The following MAP7 variants were observed in gnomAD, a reference collection of about 807,000 sequenced individuals.
MAP7 encodes ensconsin.
In MAP7, 52 loss-of-function variants were observed where a neutral mutation model predicts 94.8. That is an observed-to-expected ratio of 0.55 (90% CI 0.44 to 0.69). MAP7 has a LOEUF of 0.69. Among genes scored for constraint, MAP7 ranks in the 30% least tolerant of loss-of-function variants. The probability of loss-of-function intolerance (pLI) is 0.00; values close to 1 mark genes in which losing one functional copy is unlikely to be tolerated. For missense variants in MAP7, 940 were observed against 964.6 expected (o/e 0.97, Z 0.34); for synonymous variants, 350 against 357.0 (o/e 0.98, Z 0.22).
chr6:136,346,956 A>C (rs1787876060), intron 16 of MAP7, among the ~76,000 whole-genome samples: 1 of 152,238 alleles, frequency 6.6e-6, no homozygotes, highest in Non-Finnish European at 1.5e-5. Context: ...ATTTTTGAAG[A>C]CCGATCTTCT....
In MAP7 at chr6:136,431,598, A is replaced by T. The variant is rs138313932; in HGVS notation, c.68-9799T>A. Among the ~76,000 whole-genome samples the T allele has an allele frequency of 5.8e-3, 873 of 151,754 alleles. 16 individuals are homozygous for T. Among genetic ancestry groups the T allele is most frequent in the African/African-American group, 0.02 (813 of 41,340 alleles). On this transcript the variant is annotated intron_variant, in intron 1 of 17. Coordinates refer to ENST00000354570, the MANE Select transcript of MAP7 (RefSeq NM_003980.6). ...AGTGGTGTGATCTTGATTCACTGTA[A>T]CCTCTGCCTCCTGGATTCAAGTGAT...
At chr6:136,346,504 G>C (rs1315130558) in intron 16 of MAP7, among the ~76,000 whole-genome samples, 3 of 152,212 alleles carry the variant, frequency 2.0e-5, no homozygotes, top group African/African-American at 7.2e-5. Context: ...TGAGGCTTCA[G>C]TGAGCTATGA....
chr6:136,541,260 A>G (rs1304976326), intron 1 of MAP7, among the ~76,000 whole-genome samples: 1 of 152,154 alleles, frequency 6.6e-6, no homozygotes, highest in African/African-American at 2.4e-5. Flanking sequence ...AGGCTTCATG[A>G]TGAGGGGTGG....
intron 3 of MAP7, among the ~76,000 whole-genome samples, chr6:136,393,978 A>AATTTTTTTTTTTTTTTTTTT: frequency 2.8e-5 from 1 of 36,204 alleles, no homozygotes; most frequent in African/African-American, 7.4e-5. Context: ...CAGCAAAGGT[A>AATTTTTTTTTTTTTTTTTTT]TTTTTTTTTT....
chr6:136,445,030 C>T (rs768742924), intron 1 of MAP7, among the ~76,000 whole-genome samples: 6 of 152,180 alleles, frequency 3.9e-5, no homozygotes, highest in Non-Finnish European at 8.8e-5. Flanking sequence ...TATAATGAAA[C>T]GAGTTCAACT....
Position 136,550,246 on chromosome 6 carries a change from G to C in MAP7, c.67+96C>G, listed in dbSNP as rs1452882087. The C allele has an allele frequency of 8.9e-7, 1 of 1,128,760 alleles. No homozygotes were observed. The allele number at this position is 1,128,760 out of a possible 1,614,324, so 69.9% of individuals were successfully genotyped here. A position where few individuals can be genotyped will look rare whatever the true frequency, so the allele number is the denominator to read the frequency against. ...GGCCGCGGCCGCGCGGGCGGGGAGG[G>C]GGCTGCCGGCGCCGGGTGATTTCGG... On this transcript the variant is annotated intron_variant, in intron 1 of 17. Coordinates refer to ENST00000354570, the MANE Select transcript of MAP7 (RefSeq NM_003980.6). The surrounding 1 kb of genome is among the most constrained non-coding windows in gnomAD (Gnocchi z 5.1).
At chr6:136,361,274 T>C (rs1792692201) in intron 11 of MAP7, 95 bp from the exon 12 acceptor site, 1 of 1,315,808 alleles carries the variant, frequency 7.6e-7, no homozygotes, top group African/African-American at 1.5e-5. Flanking sequence ...GCGGTTCCTT[T>C]AGGCGTCCAG....
rs1032145125 is a variant in MAP7, at chr6:136,539,892, T to C, written c.67+10450A>G. Among the ~76,000 whole-genome samples, 4 of 152,152 alleles carry C rather than the reference T, an allele frequency of 2.6e-5. No individual in the cohort carries two copies. In the East Asian group the frequency reaches 7.7e-4, roughly 29 times the overall value. ...TACTCGGTAGGCTGAGGTAGGAGAA[T>C]AGCTTGAGACCAAGAGGTCAAGGCT... On this transcript the variant is annotated intron_variant, in intron 1 of 17. Coordinates refer to ENST00000354570, the MANE Select transcript of MAP7 (RefSeq NM_003980.6).
chr6:136,513,615 A>G (rs1188091821), intron 1 of MAP7, among the ~76,000 whole-genome samples: 1 of 152,144 alleles, frequency 6.6e-6, no homozygotes, highest in Admixed American at 6.5e-5. Context: ...TAATGTTGAT[A>G]TTTTGAGTTT....
chr6:136,522,742 T>C (rs1463260418), intron 1 of MAP7, among the ~76,000 whole-genome samples: 1 of 152,030 alleles, frequency 6.6e-6, no homozygotes, highest in Non-Finnish European at 1.5e-5. Flanking sequence ...ATTTAGAAAA[T>C]AAGAGATGGT....
At chr6:136,346,339 G>A (rs1246687456) in intron 16 of MAP7, among the ~76,000 whole-genome samples, 1 of 152,142 alleles carries the variant, frequency 6.6e-6, no homozygotes, top group Non-Finnish European at 1.5e-5. Context: ...GAGATGGGAG[G>A]ACTGCTCAAG....
intron 1 of MAP7, among the ~76,000 whole-genome samples, chr6:136,443,596 G>A (rs563185165): frequency 5.1e-4 from 77 of 151,930 alleles, no homozygotes; most frequent in African/African-American, 1.8e-3. Context: ...GACTACAAGT[G>A]CACACCACCA....
intron 3 of MAP7, among the ~76,000 whole-genome samples, chr6:136,399,288 C>T (rs773123204): frequency 6.6e-6 from 1 of 152,142 alleles, no homozygotes; most frequent in Non-Finnish European, 1.5e-5. Flanking sequence ...ACTCCCATGA[C>T]TTGATTTTTT....
At chr6:136,351,697 GA>G (rs1390126698) in intron 16 of MAP7, among the ~76,000 whole-genome samples, 1 of 152,180 alleles carries the variant, frequency 6.6e-6, no homozygotes, top group African/African-American at 2.4e-5. Context: ...GTCTTTTAGA[GA>G]TAAGGTAAAT....
At chr6:136,483,129 CAAAAAAAAAAA>C (rs57320038) in intron 1 of MAP7, among the ~76,000 whole-genome samples, 49 of 83,154 alleles carry the variant, frequency 5.9e-4, no homozygotes, top group Non-Finnish European at 9.3e-4. Flanking sequence ...AAGTATCTTT[CAAAAAAAAAAA>C]AAAAAAAGAA....
chr6:136,354,589 G>C (rs1051381505), intron 16 of MAP7, among the ~76,000 whole-genome samples: 2 of 151,286 alleles, frequency 1.3e-5, no homozygotes, highest in African/African-American at 4.9e-5. Context: ...TGCTCATCTG[G>C]ACCTGCCTGT....
intron 1 of MAP7, among the ~76,000 whole-genome samples, chr6:136,485,266 A>G (rs759532810): frequency 2.0e-5 from 3 of 152,244 alleles, no homozygotes; most frequent in Non-Finnish European, 2.9e-5. Flanking sequence ...CTCAATATTT[A>G]TTAATCTACT....
At chr6:136,520,245 GACA>G (rs1826003838) in intron 1 of MAP7, among the ~76,000 whole-genome samples, 2 of 149,628 alleles carry the variant, frequency 1.3e-5, no homozygotes, top group South Asian at 4.2e-4. Context: ...AGGAGAAGAA[GACA>G]ACAACAAAGA....
chr6:136,520,218 G>GT (rs1025902374), intron 1 of MAP7, among the ~76,000 whole-genome samples: 12 of 150,784 alleles, frequency 8.0e-5, no homozygotes, highest in African/African-American at 2.9e-4. Context: ...AAAAAAAAAG[G>GT]GGGGAGGAGC....
Sources: gnomAD v4.1 joint callset for allele counts (sites outside exome capture counted in the v4.1 genomes callset) on GRCh38, gnomAD v4.1.1 for gene constraint, Gnocchi (gnomAD v3.1) non-coding constraint, MANE v1.5 for transcripts, NCBI Gene and HGNC (gene_info 2026-07-23, HGNC 2026-07-21) for gene names.